PRDM5: variants seen among roughly 807,000 people sequenced by gnomAD.
PRDM5 encodes PR domain zinc finger protein 5.
A neutral mutation model predicts 81.2 loss-of-function variants in PRDM5; 56 were observed. That is an observed-to-expected ratio of 0.69 (90% CI 0.56 to 0.86). PRDM5 has a LOEUF of 0.86. PRDM5 is among the 40% of genes least tolerant of loss of function. The pLI is 0.00. For missense variants in PRDM5, 697 were observed against 770.1 expected, an observed-to-expected ratio of 0.91 and a Z score of 1.12; for synonymous variants, 267 against 256.4, an observed-to-expected ratio of 1.04 and a Z score of -0.39.
intron 13 of PRDM5, among the ~76,000 whole-genome samples, chr4:120,755,681 C>T (rs1456424364): frequency 6.6e-6 from 1 of 152,180 alleles, no homozygotes; most frequent in Non-Finnish European, 1.5e-5. Flanking sequence ...TACTTTTCAA[C>T]AAGGCCTTCC....
At chr4:120,758,628 T>C (rs184829110) in intron 13 of PRDM5, among the ~76,000 whole-genome samples, 47 of 152,234 alleles carry the variant, frequency 3.1e-4, no homozygotes, top group Middle Eastern at 3.4e-3. Flanking sequence ...ACAGGGAGCA[T>C]GGCCATGCAA....
chr4:120,744,579 G>T (rs1170473389), intron 14 of PRDM5, among the ~76,000 whole-genome samples: 6 of 152,058 alleles, frequency 3.9e-5, no homozygotes, highest in South Asian at 4.2e-4. Context: ...ATAGACGCAA[G>T]AAAAAATGAT....
downstream of PRDM5, among the ~76,000 whole-genome samples, chr4:120,689,600 C>CTTT (rs68162390): frequency 6.9e-6 from 1 of 143,978 alleles, no homozygotes; most frequent in African/African-American, 2.6e-5. Flanking sequence ...TTTCAAAATT[C>CTTT]TTTTTTTTTT....
chr4:120,766,941 A>C (rs895622996), intron 13 of PRDM5, among the ~76,000 whole-genome samples: 2 of 152,212 alleles, frequency 1.3e-5, no homozygotes, highest in Admixed American at 1.3e-4. Context: ...ATTTATAAAA[A>C]ATAACATTTT....
At chr4:120,830,728 T>C (rs1756613462) in intron 3 of PRDM5, among the ~76,000 whole-genome samples, 1 of 151,890 alleles carries the variant, frequency 6.6e-6, no homozygotes, top group Non-Finnish European at 1.5e-5. Flanking sequence ...ATAAGAAAAA[T>C]GAAGTTTCAA....
chr4:120,820,243 T>C (rs539235269), intron 4 of PRDM5, among the ~76,000 whole-genome samples: 7 of 152,228 alleles, frequency 4.6e-5, no homozygotes, highest in Admixed American at 1.3e-4. Context: ...GTCCCTTCTG[T>C]CACATGAGGA....
At chr4:120,720,010 C>A (rs1208068212) in intron 14 of PRDM5, among the ~76,000 whole-genome samples, 2 of 152,048 alleles carry the variant, frequency 1.3e-5, no homozygotes, top group African/African-American at 4.8e-5. Context: ...ACCCAGCGCT[C>A]CAGGGACTGG....
At chr4:120,706,545 T>C (rs921467481) in intron 15 of PRDM5, among the ~76,000 whole-genome samples, 12 of 151,918 alleles carry the variant, frequency 7.9e-5, no homozygotes, top group Non-Finnish European at 1.2e-4. Context: ...CTATAGGCAG[T>C]TGAAAATATC....
At chr4:120,829,043 C>A (rs1383623539) in intron 3 of PRDM5, among the ~76,000 whole-genome samples, 1 of 152,040 alleles carries the variant, frequency 6.6e-6, no homozygotes, top group Non-Finnish European at 1.5e-5. Flanking sequence ...CATATAGAGG[C>A]TGATCTGATT....
chr4:120,875,600 G>GA (rs1424869680), intron 2 of PRDM5, among the ~76,000 whole-genome samples: 1 of 152,136 alleles, frequency 6.6e-6, no homozygotes, highest in East Asian at 1.9e-4. Context: ...TGGCCATAGA[G>GA]AAAAAACAAG....
At chr4:120,884,112 T>C (rs1295900697) in intron 2 of PRDM5, among the ~76,000 whole-genome samples, 1 of 152,200 alleles carries the variant, frequency 6.6e-6, no homozygotes, top group East Asian at 1.9e-4. Flanking sequence ...GCAATATTAC[T>C]ACTGCATATA....
rs185881717 is a variant in PRDM5, at chr4:120,789,438, A to G, written c.1189-4347T>C. Among the ~76,000 whole-genome samples the G allele has an allele frequency of 2.0e-5, 3 of 152,330 alleles. No homozygotes were observed. The East Asian group carries it at 5.8e-4, about 29-fold the overall frequency. Reference sequence around the variant, plus strand: ...AGAATATATATTACTCCATGGTAAAAGTATTTCTTGGTAATGGTATTTCTT... The same window carrying G: ...AGAATATATATTACTCCATGGTAAAGGTATTTCTTGGTAATGGTATTTCTT... On this transcript the variant is annotated intron_variant, in intron 10 of 15. Coordinates refer to ENST00000264808, the MANE Select transcript of PRDM5 (RefSeq NM_018699.4).
intron 14 of PRDM5, among the ~76,000 whole-genome samples, chr4:120,735,351 ACT>A (rs755427742): frequency 1.3e-5 from 2 of 152,010 alleles, no homozygotes; most frequent in African/African-American, 4.8e-5. Context: ...TTCAAATGAA[ACT>A]CTGTCTAAAT....
chr4:120,888,373 G>C (rs1329668600), intron 2 of PRDM5, among the ~76,000 whole-genome samples: 1 of 152,184 alleles, frequency 6.6e-6, no homozygotes, highest in Admixed American at 6.5e-5. Flanking sequence ...TCAAACAGAT[G>C]TATTCCATTT....
chr4:120,794,156 T>C (rs780221616), intron 10 of PRDM5, among the ~76,000 whole-genome samples: 6 of 152,114 alleles, frequency 3.9e-5, no homozygotes, highest in Non-Finnish European at 7.4e-5. Context: ...CATACAAAGA[T>C]AGGTGATTTT....
At chr4:120,905,024 A>G (rs1765641956) in intron 2 of PRDM5, among the ~76,000 whole-genome samples, 1 of 152,224 alleles carries the variant, frequency 6.6e-6, no homozygotes, top group African/African-American at 2.4e-5. Flanking sequence ...AAAAACCTTC[A>G]TAGTAAAAGA....
intron 10 of PRDM5, among the ~76,000 whole-genome samples, chr4:120,790,955 A>C (rs1295731971): frequency 6.9e-6 from 1 of 144,386 alleles, no homozygotes; most frequent in African/African-American, 2.4e-5. Flanking sequence ...ACAAACAAAC[A>C]AAAAAACAGA....
chr4:120,899,407 T>C (rs901661123), intron 2 of PRDM5, among the ~76,000 whole-genome samples: 1 of 152,204 alleles, frequency 6.6e-6, no homozygotes, highest in Non-Finnish European at 1.5e-5. Flanking sequence ...TTGAATCTAC[T>C]TTCCTGACTC....
chr4:120,842,167 C>T (rs370237192), intron 3 of PRDM5, among the ~76,000 whole-genome samples: 4 of 152,142 alleles, frequency 2.6e-5, no homozygotes, highest in African/African-American at 9.7e-5. Flanking sequence ...TTGACATTAA[C>T]GATGAGGTGC....
Sources: gnomAD v4.1 joint callset for allele counts (sites outside exome capture counted in the v4.1 genomes callset) on GRCh38, gnomAD v4.1.1 for gene constraint, MANE v1.5 for transcripts, NCBI Gene and HGNC (gene_info 2026-07-23, HGNC 2026-07-21) for gene names.